Variants in ISM1 observed in about 807,000 individuals in gnomAD.
ISM1 encodes isthmin 1.
ISM1 carries 25 observed loss-of-function variants against 46.3 expected under a neutral mutation model. That is an observed-to-expected ratio of 0.54 (90% CI 0.39 to 0.75). The LOEUF is 0.75. ISM1 is among the 30% of genes least tolerant of loss of function. The pLI is 0.00. For missense variants in ISM1, 536 were observed against 625.4 expected (o/e 0.86, Z 1.52); for synonymous variants, 255 against 256.7 (o/e 0.99, Z 0.06).
chr20:13,270,020 A>G (rs911777847), intron 1 of ISM1, among the ~76,000 whole-genome samples: 2 of 152,254 alleles, frequency 1.3e-5, no homozygotes, highest in Admixed American at 6.5e-5. Flanking sequence ...GGACAGACAA[A>G]TGGATGAATG....
chr20:13,314,673 G>C, the ISM1 span, among the ~76,000 whole-genome samples: 1 of 152,072 alleles, frequency 6.6e-6, no homozygotes, highest in Non-Finnish European at 1.5e-5. Context: ...CAGAAACTCA[G>C]ATCTTCATAA....
At chr20:13,317,999 A>G in the ISM1 span, among the ~76,000 whole-genome samples, 2 of 152,116 alleles carry the variant, frequency 1.3e-5, no homozygotes, top group Admixed American at 1.3e-4. Flanking sequence ...GTCTGCATGA[A>G]AAAACAAGCC....
intron 1 of ISM1, chr20:13,239,601 T>C (rs1056761529): frequency 6.6e-6 from 1 of 152,102 alleles, no homozygotes; most frequent in Non-Finnish European, 1.5e-5. Flanking sequence ...TACACAAGGG[T>C]CACTGCACAT....
At chr20:13,244,881 T>C (rs2039775555) in intron 1 of ISM1, among the ~76,000 whole-genome samples, 1 of 152,234 alleles carries the variant, frequency 6.6e-6, no homozygotes, top group African/African-American at 2.4e-5. Flanking sequence ...CAGTTTTCTA[T>C]TGGAAGGCCC....
intron 2 of ISM1, among the ~76,000 whole-genome samples, chr20:13,276,413 G>A (rs1378464199): frequency 6.6e-6 from 1 of 152,016 alleles, no homozygotes; most frequent in Non-Finnish European, 1.5e-5. Context: ...GAGAAGGAAA[G>A]CTGATCAAGG....
At chr20:13,263,585 A>G (rs1312025895) in intron 1 of ISM1, among the ~76,000 whole-genome samples, 1 of 152,180 alleles carries the variant, frequency 6.6e-6, no homozygotes, top group Non-Finnish European at 1.5e-5. Context: ...CACTAGTGGC[A>G]TTCTTGAACT....
chr20:13,311,672 T>C, the ISM1 span, among the ~76,000 whole-genome samples: 1 of 152,318 alleles, frequency 6.6e-6, no homozygotes, highest in African/African-American at 2.4e-5. Context: ...TGTTTAGTGA[T>C]ATAAGTCAGG....
intron 1 of ISM1, among the ~76,000 whole-genome samples, chr20:13,225,693 T>C (rs1296753598): frequency 6.6e-6 from 1 of 152,210 alleles, no homozygotes; most frequent in Non-Finnish European, 1.5e-5. Flanking sequence ...TCAGTATTTT[T>C]AAAATATCTA....
chr20:13,262,909 G>A (rs1456030782), intron 1 of ISM1, among the ~76,000 whole-genome samples: 5 of 152,122 alleles, frequency 3.3e-5, no homozygotes, highest in Admixed American at 6.5e-5. Context: ...AGTAAACATC[G>A]TTATGATACA....
chr20:13,229,569 A>G (rs996977345), intron 1 of ISM1, among the ~76,000 whole-genome samples: 2 of 152,162 alleles, frequency 1.3e-5, no homozygotes, highest in African/African-American at 4.8e-5. Context: ...ATCCCCATCA[A>G]TGGACATTTG....
the ISM1 span, among the ~76,000 whole-genome samples, chr20:13,324,856 C>T: frequency 6.6e-6 from 1 of 152,162 alleles, no homozygotes; most frequent in South Asian, 2.1e-4. Flanking sequence ...TTCTTATTTT[C>T]TGGATGAGAA....
the ISM1 span, among the ~76,000 whole-genome samples, chr20:13,312,151 G>A: frequency 5.3e-5 from 8 of 152,156 alleles, no homozygotes; most frequent in African/African-American, 1.2e-4. Context: ...CAACTGCTAC[G>A]TTATCTTCTG....
At chr20:13,234,688 T>G (rs1317586295) in intron 1 of ISM1, among the ~76,000 whole-genome samples, 4 of 152,236 alleles carry the variant, frequency 2.6e-5, no homozygotes, top group Non-Finnish European at 2.9e-5. Flanking sequence ...TTTTAATTTT[T>G]ATTTCTCTGA....
the ISM1 span, among the ~76,000 whole-genome samples, chr20:13,324,740 C>T: frequency 6.6e-6 from 1 of 152,200 alleles, no homozygotes; most frequent in African/African-American, 2.4e-5. Flanking sequence ...AGCCAGGTGT[C>T]AGGAACAGCA....
intron 1 of ISM1, among the ~76,000 whole-genome samples, chr20:13,267,562 C>T (rs987221107): frequency 2.6e-5 from 4 of 152,100 alleles, no homozygotes; most frequent in Admixed American, 1.3e-4. Context: ...GCAAAGTCCT[C>T]GAGTCCTAGA....
chr20:13,321,252 A>AT, the ISM1 span, among the ~76,000 whole-genome samples: 221 of 96,936 alleles, frequency 2.3e-3, 3 homozygotes, highest in African/African-American at 8.6e-3. Flanking sequence ...TGTGCCCCAC[A>AT]TAAAAAAAAA....
chr20:13,298,551 A>T (rs2040428638), intron 5 of ISM1, among the ~76,000 whole-genome samples: 1 of 152,222 alleles, frequency 6.6e-6, no homozygotes, highest in African/African-American at 2.4e-5. Context: ...GTGACATTAT[A>T]TATTTCCACA....
rs745708474 is a variant in ISM1, at chr20:13,270,707, C to T, written c.342C>T (p.Ser114=). The part of the protein sequence containing the change: ...LLDLPNFPDL[S]KADINGQNPN... ...ATCTACCAAACTTTCCAGATCTTTC[C>T]AAAGCTGATATCAATGGGCAGAATC... Residue 114 remains serine (S), a synonymous_variant, in exon 2 of 6, where the codon TCC becomes TCT. Coordinates refer to ENST00000262487, the MANE Select transcript of ISM1 (RefSeq NM_080826.2). 6.2e-7 allele frequency: 1 copy of T among 1,613,878 alleles called. No individual in the cohort carries two copies. Among genetic ancestry groups the T allele is most frequent in the Non-Finnish European group, 8.5e-7 (1 of 1,179,826 alleles).
At chr20:13,245,193 G>A (rs893826854) in intron 1 of ISM1, 4 of 152,074 alleles carry the variant, frequency 2.6e-5, no homozygotes, top group South Asian at 2.1e-4. Context: ...AAGAACACAC[G>A]TTTATTATCT....
Sources: gnomAD v4.1 joint callset for allele counts (sites outside exome capture counted in the v4.1 genomes callset) on GRCh38, gnomAD v4.1.1 for gene constraint, MANE v1.5 for transcripts, NCBI Gene and HGNC (gene_info 2026-07-23, HGNC 2026-07-21) for gene names.